Variants in PARP16 observed in about 807,000 individuals in gnomAD.
The protein encoded by PARP16 is protein mono-ADP-ribosyltransferase PARP16.
PARP16 carries 31 observed loss-of-function variants against 35.0 expected under a neutral mutation model. The observed-to-expected ratio is 0.88, with a 90% CI of 0.66 to 1.19. PARP16 has a LOEUF of 1.19. Ranked by LOEUF, PARP16 falls within the 50% of genes most tolerant of loss-of-function variation. The pLI is 0.00. For synonymous variants in PARP16, 162 were observed against 169.5 expected (o/e 0.96, Z 0.34); for missense variants, 424 against 411.2 (o/e 1.03, Z -0.27).
At chr15:65,255,498 G>A (rs980628308), downstream of PARP16, among the ~76,000 whole-genome samples, 2 of 151,922 alleles carry the variant, frequency 1.3e-5, no homozygotes, top group Non-Finnish European at 2.9e-5. Context: ...AAGTCATAAC[G>A]TGGCCCTGCC....
intron 2 of PARP16, among the ~76,000 whole-genome samples, chr15:65,269,316 C>T (rs1201571493): frequency 6.6e-6 from 1 of 152,134 alleles, no homozygotes; most frequent in Non-Finnish European, 1.5e-5. Flanking sequence ...CCTGCCTCAG[C>T]CTCCCACGTA....
intron 3 of PARP16, among the ~76,000 whole-genome samples, chr15:65,246,689 C>A (rs2089217841): frequency 6.6e-6 from 1 of 152,140 alleles, no homozygotes; most frequent in Non-Finnish European, 1.5e-5. Flanking sequence ...CTTATCTGTA[C>A]ACAAGACTGA....
At chr15:65,280,308 G>C (rs528001714) in intron 1 of PARP16, among the ~76,000 whole-genome samples, 3 of 151,766 alleles carry the variant, frequency 2.0e-5, no homozygotes, top group Non-Finnish European at 4.4e-5. Context: ...TTAGTGGTAT[G>C]TGCGTGGAGT....
intron 1 of PARP16, among the ~76,000 whole-genome samples, chr15:65,275,293 C>T (rs1046867770): frequency 1.3e-5 from 2 of 152,094 alleles, no homozygotes; most frequent in Non-Finnish European, 2.9e-5. Context: ...AGTATAAAAG[C>T]GCAGCATGTA....
chr15:65,231,461 T>G (rs767762666), downstream of PARP16, among the ~76,000 whole-genome samples: 2 of 151,904 alleles, frequency 1.3e-5, no homozygotes, highest in Non-Finnish European at 2.9e-5. Flanking sequence ...ATACCTTTTT[T>G]TTTTTTTTGA....
At chr15:65,281,405 G>A (rs2090418313) in intron 1 of PARP16, among the ~76,000 whole-genome samples, 1 of 152,160 alleles carries the variant, frequency 6.6e-6, no homozygotes, top group African/African-American at 2.4e-5. Flanking sequence ...AAATCAGAGA[G>A]CTGGCCAGGC....
chr15:65,284,787 A>T (rs2090530898), intron 1 of PARP16, among the ~76,000 whole-genome samples: 1 of 151,008 alleles, frequency 6.6e-6, no homozygotes, highest in Admixed American at 6.6e-5. Context: ...TTTGAGGGAA[A>T]ATCCTTGACT....
chr15:65,233,463 G>A (rs1236364172), downstream of PARP16, among the ~76,000 whole-genome samples: 1 of 151,864 alleles, frequency 6.6e-6, no homozygotes, highest in Non-Finnish European at 1.5e-5. Context: ...GAGAAGCCGG[G>A]CACGGTGGCT....
At position 65,286,785 on chromosome 15, in the gene PARP16, T is replaced by C. The variant is rs183702278; in HGVS notation, c.-359A>G. 3.9e-4 allele frequency: 84 copies of C among 216,818 alleles called. 1 individual carries two copies. The highest frequency in any genetic ancestry group is 2.7e-3 in the Admixed American group (46 of 16,902). The allele number at this position is 216,818 out of a possible 1,614,324, so 13.4% of individuals were successfully genotyped here. On this transcript the variant is annotated 5_prime_UTR_variant, in exon 1 of 6. Transcript: ENST00000649807. ...AACCGCGGGAACGTGCTGACACGTGTCCTCCGCGGAGGCCTGGGGCGGGAA... is the reference window on the plus strand; with the variant it reads ...AACCGCGGGAACGTGCTGACACGTGCCCTCCGCGGAGGCCTGGGGCGGGAA...
intron 1 of PARP16, among the ~76,000 whole-genome samples, chr15:65,276,139 A>G (rs1209903593): frequency 6.6e-6 from 1 of 151,842 alleles, no homozygotes; most frequent in Non-Finnish European, 1.5e-5. Flanking sequence ...ATCTGTCCAC[A>G]CTCTTTAATT....
At chr15:65,275,271 T>G (rs1452616486) in intron 1 of PARP16, among the ~76,000 whole-genome samples, 1 of 152,172 alleles carries the variant, frequency 6.6e-6, no homozygotes, top group Non-Finnish European at 1.5e-5. Flanking sequence ...GTTTGCTATA[T>G]GAAACCACAG....
At chr15:65,257,622 T>A (rs1356165409), downstream of PARP16, among the ~76,000 whole-genome samples, 20 of 106,964 alleles carry the variant, frequency 1.9e-4, no homozygotes, top group Non-Finnish European at 7.2e-5. Context: ...AGAGCAAGAC[T>A]CTGTCTCAAA....
At chr15:65,262,623 C>T (rs1278081655) in intron 4 of PARP16, among the ~76,000 whole-genome samples, 1 of 152,152 alleles carries the variant, frequency 6.6e-6, no homozygotes, top group African/African-American at 2.4e-5. Context: ...CTGCCCTTCA[C>T]ATCCTGGAGG....
intron 3 of PARP16, among the ~76,000 whole-genome samples, chr15:65,240,627 T>C (rs946672230): frequency 6.6e-6 from 1 of 152,158 alleles, no homozygotes; most frequent in Non-Finnish European, 1.5e-5. Flanking sequence ...TGTATGAATA[T>C]ACCACAATTT....
chr15:65,280,225 C>T (rs1012887953), intron 1 of PARP16, among the ~76,000 whole-genome samples: 3 of 151,844 alleles, frequency 2.0e-5, no homozygotes, highest in African/African-American at 7.3e-5. Context: ...TTGCTTGACT[C>T]CAGGAGTTTG....
Position 65,275,701 on chromosome 15 carries a change from G to C in PARP16, c.175-4629C>G, listed in dbSNP as rs554578061. Among the ~76,000 whole-genome samples the C allele has an allele frequency of 2.1e-3, 316 of 152,214 alleles. 3 individuals carry two copies. The highest frequency in any genetic ancestry group is 0.01 in the Middle Eastern group (3 of 294). The stretch of plus-strand genomic sequence containing the variant: ...CCTGTACTCCACTTGGGAACCCCAA[G>C]CTTTGTTCTGTAGGTTATACAGAGT... On this transcript the variant is annotated intron_variant, in intron 1 of 5. Coordinates refer to ENST00000649807, the MANE Select transcript of PARP16 (RefSeq NM_001316943.2).
At chr15:65,280,938 G>A (rs1432828097) in intron 1 of PARP16, among the ~76,000 whole-genome samples, 1 of 152,204 alleles carries the variant, frequency 6.6e-6, no homozygotes, top group Non-Finnish European at 1.5e-5. Flanking sequence ...AAATTGCCCA[G>A]ATTTGTTAAA....
At chr15:65,269,172 GTT>G (rs1202398661) in intron 2 of PARP16, among the ~76,000 whole-genome samples, 8 of 47,118 alleles carry the variant, frequency 1.7e-4, no homozygotes, top group Non-Finnish European at 1.5e-4. Context: ...ATTTTAGTCG[GTT>G]TTTTTCTTTC....
intron 1 of PARP16, among the ~76,000 whole-genome samples, chr15:65,282,195 T>A (rs1295263545): frequency 6.6e-6 from 1 of 152,098 alleles, no homozygotes; most frequent in African/African-American, 2.4e-5. Flanking sequence ...AATCTTTTTA[T>A]AAAGACAGGG....
Sources: allele counts gnomAD v4.1 joint callset (sites outside exome capture counted in the v4.1 genomes callset), GRCh38; gene constraint gnomAD v4.1.1; transcripts MANE v1.5; gene names NCBI Gene and HGNC (gene_info 2026-07-23, HGNC 2026-07-21).